Variants in CENPP observed in about 807,000 individuals in gnomAD.
CENPP encodes the protein centromere protein P.
Under a neutral mutation model 35.6 loss-of-function variants are expected in CENPP, and 24 were observed. The observed-to-expected ratio is 0.67, with a 90% CI of 0.49 to 0.95. The LOEUF is 0.95. Ranked by LOEUF, CENPP falls within the 40% of genes least tolerant of loss-of-function variation. CENPP has a pLI of 0.00. For synonymous variants in CENPP, 120 were observed against 125.5 expected (o/e 0.96, Z 0.29); for missense variants, 332 against 345.3 (o/e 0.96, Z 0.31).
intron 5 of CENPP, among the ~76,000 whole-genome samples, chr9:92,555,718 G>A (rs150488096): frequency 0.011 from 1,728 of 152,220 alleles, 26 homozygotes; most frequent in African/African-American, 0.038. Flanking sequence ...TTGTATTTCA[G>A]TGGTGTCAGT....
chr9:92,512,443 C>T (rs1393186959), intron 5 of CENPP, among the ~76,000 whole-genome samples: 2 of 152,176 alleles, frequency 1.3e-5, no homozygotes, highest in South Asian at 2.1e-4. Context: ...TGTACATTTA[C>T]AACAAAGGTG....
chr9:92,465,009 CA>C, intron 5 of CENPP: 1 of 1,613,396 alleles, frequency 6.2e-7, no homozygotes, highest in Non-Finnish European at 8.5e-7. Flanking sequence ...CCATTATTAT[CA>C]AGAGGGTTTG....
intron 5 of CENPP, among the ~76,000 whole-genome samples, chr9:92,563,913 C>A (rs1849903843): frequency 6.6e-6 from 1 of 152,052 alleles, no homozygotes; most frequent in African/African-American, 2.4e-5. Flanking sequence ...GGTCTGGGAC[C>A]CAAAGGCTAC....
chr9:92,611,494 C>T, intron 6 of CENPP, 101 bp downstream of exon 6: 1 of 896,662 alleles, frequency 1.1e-6, no homozygotes, highest in Non-Finnish European at 1.7e-6. Flanking sequence ...ACTACCTAAC[C>T]AAGAACTAAA....
At position 92,365,657 on chromosome 9, in the gene CENPP, C is replaced by T. The variant is rs187588981; in HGVS notation, c.468-14106C>T. Among the ~76,000 whole-genome samples, 13 of 151,756 alleles carry T rather than the reference C, an allele frequency of 8.6e-5. No homozygotes were observed. The East Asian group carries it at 2.2e-3, about 25-fold the overall frequency. ...AATTCATGACCTTAGGTGATCCACC[C>T]GTCTGGGCCTCACAAAGTGCTGGGA... On this transcript the variant is annotated intron_variant, in intron 4 of 7. Transcript: ENST00000375587.
chr9:92,548,520 C>G (rs1209636389), intron 5 of CENPP, among the ~76,000 whole-genome samples: 13 of 152,116 alleles, frequency 8.5e-5, no homozygotes, highest in Non-Finnish European at 1.5e-5. Flanking sequence ...TGTAGTACAT[C>G]AACTATCAGA....
At chr9:92,506,026 G>GTGGTGGC (rs1416212609) in intron 5 of CENPP, among the ~76,000 whole-genome samples, 3 of 152,198 alleles carry the variant, frequency 2.0e-5, no homozygotes, top group African/African-American at 7.2e-5. Flanking sequence ...CATAGAAATT[G>GTGGTGGC]TGGTGGCTGA....
intron 5 of CENPP, among the ~76,000 whole-genome samples, chr9:92,425,129 A>T (rs781736508): frequency 1.6e-4 from 24 of 152,212 alleles, no homozygotes; most frequent in Non-Finnish European, 2.9e-5. Context: ...TACACAGATT[A>T]ACTATACGAC....
chr9:92,517,952 G>T, intron 5 of CENPP: 1 of 1,532,550 alleles, frequency 6.5e-7, no homozygotes, highest in Non-Finnish European at 8.9e-7. Flanking sequence ...AACACAATGT[G>T]AAGTCAAACT....
intron 5 of CENPP, among the ~76,000 whole-genome samples, chr9:92,430,511 T>A (rs1442541902): frequency 2.6e-5 from 4 of 151,728 alleles, no homozygotes; most frequent in Non-Finnish European, 5.9e-5. Flanking sequence ...CACCCACAAC[T>A]ACACCTGGCT....
chr9:92,326,115 C>T lies in CENPP; in HGVS notation c.107+10C>T. ...AGAAGTCCCGAGTCCAGTACGTGAC[C>T]ACCCCAAGTCCCCCAGGGCCCGCTG... On this transcript the variant is annotated intron_variant, in intron 1 of 7. Transcript: ENST00000375587. The T allele has an allele frequency of 6.6e-7, 1 of 1,508,484 alleles. No individual in the cohort carries two copies. The highest frequency in any genetic ancestry group is 9.0e-7 in the Non-Finnish European group (1 of 1,116,182). The allele number at this position is 1,508,484 out of a possible 1,614,324, so 93.4% of individuals were successfully genotyped here. A position where few individuals can be genotyped will look rare whatever the true frequency, so the allele number is the denominator to read the frequency against.
At chr9:92,584,537 C>T (rs775107872) in intron 5 of CENPP, among the ~76,000 whole-genome samples, 13 of 151,958 alleles carry the variant, frequency 8.6e-5, no homozygotes, top group Admixed American at 1.3e-4. Flanking sequence ...TTTTAAGAGA[C>T]GGGGTCTCAC....
At chr9:92,353,393 G>T (rs746322448) in intron 4 of CENPP, among the ~76,000 whole-genome samples, 3 of 152,110 alleles carry the variant, frequency 2.0e-5, no homozygotes, top group African/African-American at 4.8e-5. Flanking sequence ...ATTCCTGAAG[G>T]ATCTGGGCCA....
At chr9:92,503,661 G>A (rs897045808) in intron 5 of CENPP, among the ~76,000 whole-genome samples, 1 of 152,162 alleles carries the variant, frequency 6.6e-6, no homozygotes, top group Non-Finnish European at 1.5e-5. Context: ...AGAATTCAGA[G>A]GTAAAACTGG....
chr9:92,415,440 T>C, intron 5 of CENPP: 1 of 1,612,602 alleles, frequency 6.2e-7, no homozygotes, highest in Non-Finnish European at 8.5e-7. Context: ...GGTAATGTAG[T>C]GGGTCAATAG....
At chr9:92,448,460 C>T (rs972744982) in intron 5 of CENPP, among the ~76,000 whole-genome samples, 10 of 151,704 alleles carry the variant, frequency 6.6e-5, no homozygotes, top group African/African-American at 2.2e-4. Flanking sequence ...TTGGTAGAGA[C>T]GGGGTTTCAC....
chr9:92,339,573 T>G (rs1041741175), intron 3 of CENPP: 6 of 152,190 alleles, frequency 3.9e-5, no homozygotes, highest in African/African-American at 7.2e-5. Flanking sequence ...AAAGGTGTAG[T>G]ATAGCATTGC....
intron 5 of CENPP, among the ~76,000 whole-genome samples, chr9:92,529,483 T>C (rs951814371): frequency 6.6e-6 from 1 of 152,204 alleles, no homozygotes; most frequent in African/African-American, 2.4e-5. Flanking sequence ...TGAAAATCTA[T>C]GTCCACACAA....
chr9:92,416,058 G>GTGTGTGTATATATATATATA (rs6151074), intron 5 of CENPP, among the ~76,000 whole-genome samples: 4 of 130,916 alleles, frequency 3.1e-5, no homozygotes, highest in South Asian at 5.0e-4. Flanking sequence ...ATATATGTGT[G>GTGTGTGTATATATATATATA]TATATATATA....
Sources: allele counts gnomAD v4.1 joint callset (sites outside exome capture counted in the v4.1 genomes callset), GRCh38; gene constraint gnomAD v4.1.1; transcripts MANE v1.5; gene names NCBI Gene and HGNC (gene_info 2026-07-23, HGNC 2026-07-21).